Variants in FBXL13 observed in about 807,000 individuals in gnomAD.
FBXL13 encodes the protein F-box and leucine rich repeat protein 13.
Under a neutral mutation model 83.6 loss-of-function variants are expected in FBXL13, and 67 were observed. That is an observed-to-expected ratio of 0.80 (90% CI 0.66 to 0.98). The LOEUF is 0.98. FBXL13 is among the 50% of genes least tolerant of loss of function. FBXL13 has a pLI of 0.00. For missense variants in FBXL13, 822 were observed against 866.5 expected (o/e 0.95, Z 0.64); for synonymous variants, 272 against 299.5 (o/e 0.91, Z 0.95).
chr7:102,832,185 T>A (rs1180319048), intron 18 of FBXL13, among the ~76,000 whole-genome samples: 1 of 152,220 alleles, frequency 6.6e-6, no homozygotes, highest in African/African-American at 2.4e-5. Flanking sequence ...TAATGAGTAC[T>A]TACTTCATTT....
intron 8 of FBXL13, among the ~76,000 whole-genome samples, chr7:102,950,498 A>G (rs892691083): frequency 2.0e-5 from 3 of 152,230 alleles, no homozygotes; most frequent in African/African-American, 7.2e-5. Flanking sequence ...TCCAGCAATC[A>G]TGTTCCTTGG....
At chr7:102,869,565 A>G (rs1246673612) in intron 16 of FBXL13, among the ~76,000 whole-genome samples, 2 of 152,104 alleles carry the variant, frequency 1.3e-5, no homozygotes, top group African/African-American at 2.4e-5. Flanking sequence ...CCAATGTCCT[A>G]AAGTGTTTCG....
intron 8 of FBXL13, among the ~76,000 whole-genome samples, chr7:102,951,951 G>A (rs964847958): frequency 7.9e-5 from 12 of 151,972 alleles, no homozygotes; most frequent in African/African-American, 2.9e-4. Flanking sequence ...CAACTTTACT[G>A]TCTATTATTG....
intron 2 of FBXL13, among the ~76,000 whole-genome samples, chr7:103,043,846 G>A (rs1796002943): frequency 6.6e-6 from 1 of 152,190 alleles, no homozygotes; most frequent in Non-Finnish European, 1.5e-5. Flanking sequence ...AAAAAGAATT[G>A]CATAATCTTC....
intron 16 of FBXL13, among the ~76,000 whole-genome samples, chr7:102,866,134 G>C (rs1807611601): frequency 6.6e-6 from 1 of 152,128 alleles, no homozygotes; most frequent in Non-Finnish European, 1.5e-5. Context: ...GATGCTTATA[G>C]AAGGAAGGAA....
rs146117677 is a variant in FBXL13, at chr7:102,837,201, G to C, written c.1720-4227C>G. 4.3e-3 allele frequency among the ~76,000 whole-genome samples: 655 copies of C among 152,314 alleles called. 6 individuals carry two copies. The highest frequency in any genetic ancestry group is 0.015 in the African/African-American group (627 of 41,556). On this transcript the variant is annotated intron_variant, in intron 17 of 19. Coordinates refer to ENST00000313221, the Ensembl canonical transcript of FBXL13. ...CTGGGCATCAGAGCAAGTGGGACTG[G>C]TCATGGCCTGGCACCACAACTAAAC...
chr7:102,944,344 G>C, intron 8 of FBXL13: 1 of 1,614,044 alleles, frequency 6.2e-7, no homozygotes, highest in Non-Finnish European at 8.5e-7. Context: ...TTGGAGATGT[G>C]ACTACAACAT....
At chr7:103,001,120 AT>A (rs546579010) in intron 6 of FBXL13, among the ~76,000 whole-genome samples, 12 of 149,610 alleles carry the variant, frequency 8.0e-5, no homozygotes, top group East Asian at 2.0e-4. Flanking sequence ...CTATATATAT[AT>A]TTTTTTTTGA....
chr7:103,016,787 C>T (rs187794217), intron 6 of FBXL13, among the ~76,000 whole-genome samples: 5,407 of 152,256 alleles, frequency 0.036, 293 homozygotes, highest in African/African-American at 0.12. Context: ...GAGGGGCGCC[C>T]GCCATTGCTG....
intron 18 of FBXL13, 131 bp from the exon 20 acceptor site, chr7:102,822,334 A>C (rs1562903247): frequency 2.3e-6 from 2 of 874,372 alleles, no homozygotes; most frequent in East Asian, 2.6e-5. Context: ...TTTATTTCTC[A>C]CAGTTCTAGA....
intron 5 of FBXL13, among the ~76,000 whole-genome samples, chr7:103,027,168 C>T (rs1471060408): frequency 1.3e-5 from 2 of 151,970 alleles, no homozygotes; most frequent in Admixed American, 6.6e-5. Flanking sequence ...TGGTGGCAGA[C>T]ACCTGTAATT....
chr7:102,995,970 A>G (rs1335253774), intron 6 of FBXL13, among the ~76,000 whole-genome samples: 2 of 152,152 alleles, frequency 1.3e-5, no homozygotes, highest in Non-Finnish European at 2.9e-5. Context: ...CCTAAAACTT[A>G]GATTATTCCA....
exon 20 of FBXL13, chr7:102,813,263 G>T: frequency 1.6e-6 from 2 of 1,274,304 alleles, no homozygotes; most frequent in Non-Finnish European, 1.1e-6. Flanking sequence ...TTGAGATTCA[G>T]CTAGTAAACA....
At chr7:102,860,859 A>G (rs1372103876) in intron 16 of FBXL13, among the ~76,000 whole-genome samples, 1 of 152,174 alleles carries the variant, frequency 6.6e-6, no homozygotes, top group Non-Finnish European at 1.5e-5. Context: ...CTTCATATAA[A>G]TTCACCAATT....
chr7:102,934,537 T>A lies in FBXL13; in HGVS notation c.725-2604A>T, dbSNP rs758288107. 1.2e-5 allele frequency: 19 copies of A among 1,560,642 alleles called. No individual in the cohort carries two copies. The African/African-American group carries it at 2.5e-4, about 20-fold the overall frequency. On this transcript the variant is annotated intron_variant, in intron 8 of 19. Coordinates refer to ENST00000313221, the Ensembl canonical transcript of FBXL13. ...ATAAAAAACTGCGGCAGATAAAATCTGAACAGTTGTGTAATGAAGAAGAAA... is the reference window on the plus strand; with the variant it reads ...ATAAAAAACTGCGGCAGATAAAATCAGAACAGTTGTGTAATGAAGAAGAAA...
In FBXL13 at chr7:102,964,184, G is replaced by A. The variant is rs145140376; in HGVS notation, c.592-519C>T. ...AAATTAGCCAGGCGTGGTGACACAC[G>A]CCTGTAGACCCAGCTACTTGGGAGG... On this transcript the variant is annotated intron_variant, in intron 7 of 19. Transcript: ENST00000313221. Among the ~76,000 whole-genome samples, 122 of 151,716 alleles carry A rather than the reference G, an allele frequency of 8.0e-4. 1 individual carries two copies. Among genetic ancestry groups the A allele is most frequent in the African/African-American group, 2.8e-3 (115 of 41,462 alleles).
At chr7:102,893,801 A>G in intron 11 of FBXL13, among the ~76,000 whole-genome samples, 3 of 141,826 alleles carry the variant, frequency 2.1e-5, no homozygotes, top group African/African-American at 5.2e-5. Context: ...AAGGAGAAGG[A>G]TGAGGAGGGA....
rs1437698482 is a variant in FBXL13 at position 102,834,395 on chromosome 7, T to TTA, written c.1720-1423_1720-1422dup. On this transcript the variant is annotated intron_variant, in intron 17 of 19. Coordinates refer to ENST00000313221, the Ensembl canonical transcript of FBXL13. ...TATATATAAATTATATATATATATA[T>TTA]TATATGCGATTATATATATATTATA... Among the ~76,000 whole-genome samples, 36 of 146,504 alleles carry TTA rather than the reference T, an allele frequency of 2.5e-4. No individual in the cohort carries two copies. The East Asian group carries it at 6.7e-3, about 27-fold the overall frequency.
chr7:102,913,346 C>A, intron 10 of FBXL13, 131 bp from the exon 12 acceptor site: 1 of 1,059,818 alleles, frequency 9.4e-7, no homozygotes, highest in Non-Finnish European at 1.4e-6. Context: ...TTTAACTTTA[C>A]TGTTAACTCT....
Sources: gnomAD v4.1 joint callset for allele counts (sites outside exome capture counted in the v4.1 genomes callset) on GRCh38, gnomAD v4.1.1 for gene constraint, MANE v1.5 for transcripts, NCBI Gene and HGNC (gene_info 2026-07-23, HGNC 2026-07-21) for gene names.